NOL4: variants seen among roughly 807,000 people sequenced by gnomAD.
NOL4 encodes the protein cancer/testis antigen 125.
A neutral mutation model predicts 75.9 loss-of-function variants in NOL4; 17 were observed. The observed-to-expected ratio is 0.22, with a 90% CI of 0.15 to 0.34. NOL4 has a LOEUF of 0.34. NOL4 is among the 10% of genes least tolerant of loss of function. NOL4 has a pLI of 1.00. For synonymous variants in NOL4, 292 were observed against 289.9 expected, an observed-to-expected ratio of 1.01 and a Z score of -0.07; for missense variants, 614 against 793.5, an observed-to-expected ratio of 0.77 and a Z score of 2.72.
chr18:33,970,091 G>T (rs2145863526), intron 6 of NOL4, among the ~76,000 whole-genome samples: 1 of 152,278 alleles, frequency 6.6e-6, no homozygotes, highest in East Asian at 1.9e-4. Context: ...GAGCCCAAGT[G>T]ATGCAGCTCC....
intron 2 of NOL4, among the ~76,000 whole-genome samples, chr18:34,106,885 A>G (rs1454019123): frequency 6.6e-6 from 1 of 152,096 alleles, no homozygotes; most frequent in Non-Finnish European, 1.5e-5. Context: ...TATATTTTAT[A>G]TTTCAAAGCA....
Position 34,203,685 on chromosome 18 carries a change from C to CCTCT in NOL4, c.264+19301_264+19304dup, listed in dbSNP as rs1226376797. Among the ~76,000 whole-genome samples, 796 of 100,524 alleles carry CCTCT rather than the reference C, an allele frequency of 7.9e-3. 4 individuals are homozygous for CCTCT. The highest frequency in any genetic ancestry group is 0.011 in the Non-Finnish European group (550 of 51,966). The allele number at this position is 100,524 out of a possible 152,430, so 65.9% of individuals were successfully genotyped here. On this transcript the variant is annotated intron_variant, in intron 1 of 10. Coordinates refer to ENST00000261592, the MANE Select transcript of NOL4 (RefSeq NM_003787.5). ...CCCCTGATCTCTTTCTCTCTCTCTC[C>CCTCT]CTCTCTCTCTCTCTCTCTCTCTCTC...
Position 33,852,788 on chromosome 18 carries a change from G to A in NOL4, c.*54C>T. On this transcript the variant is annotated 3_prime_UTR_variant, in exon 11 of 11. Transcript: ENST00000261592. ...AGTATCTCTGTTGGGAAATCAAAAT[G>A]TCATTAGTGGAAACTGCAAATTTAG... 6.8e-7 allele frequency: 1 copy of A among 1,463,284 alleles called. No individual in the cohort carries two copies. The allele number at this position is 1,463,284 out of a possible 1,614,324, so 90.6% of individuals were successfully genotyped here. A position where few individuals can be genotyped will look rare whatever the true frequency, so the allele number is the denominator to read the frequency against.
chr18:34,065,660 A>G (rs1390921072), intron 5 of NOL4, among the ~76,000 whole-genome samples: 1 of 151,958 alleles, frequency 6.6e-6, no homozygotes, highest in African/African-American at 2.4e-5. Flanking sequence ...ATGCACAGAA[A>G]TTGTAGTGAA....
At chr18:34,221,168 A>G (rs2146641884) in intron 1 of NOL4, 1 of 152,294 alleles carries the variant, frequency 6.6e-6, no homozygotes, top group South Asian at 2.1e-4. Context: ...TGACAGTTAG[A>G]GGGACCTAAG....
chr18:33,931,051 T>TA lies in NOL4; in HGVS notation c.1542+12013dup, dbSNP rs1275752049. Reference sequence around the variant, plus strand: ...TTGTTACTTCTAGGCTCTGGCAAATTAAAAAAACACAGGAAAGGAAGAAAG... The same window carrying TA: ...TTGTTACTTCTAGGCTCTGGCAAATTAAAAAAAACACAGGAAAGGAAGAAAG... On this transcript the variant is annotated intron_variant, in intron 9 of 10. Coordinates refer to ENST00000261592, the MANE Select transcript of NOL4 (RefSeq NM_003787.5). Among the ~76,000 whole-genome samples the TA allele has an allele frequency of 6.6e-5, 10 of 152,012 alleles. No individual in the cohort carries two copies. The East Asian group carries it at 1.7e-3, about 26-fold the overall frequency.
intron 6 of NOL4, among the ~76,000 whole-genome samples, chr18:34,010,906 T>C (rs1409096548): frequency 6.6e-6 from 1 of 151,924 alleles, no homozygotes; most frequent in Non-Finnish European, 1.5e-5. Flanking sequence ...TGTATTATCA[T>C]ATTTTTTTCT....
chr18:33,933,489 T>C (rs964742292), intron 9 of NOL4, among the ~76,000 whole-genome samples: 1 of 152,168 alleles, frequency 6.6e-6, no homozygotes, highest in East Asian at 1.9e-4. Flanking sequence ...ATTTTGCCCA[T>C]AGTAGAGCTT....
chr18:34,119,685 G>A (rs1457284544), intron 2 of NOL4, among the ~76,000 whole-genome samples: 1 of 151,960 alleles, frequency 6.6e-6, no homozygotes, highest in Non-Finnish European at 1.5e-5. Context: ...GCAGTGGCGC[G>A]ATCTCGGCTC....
In NOL4 at chr18:33,962,322, T is replaced by A. The variant is rs1339598836; in HGVS notation, c.1057-3904A>T. Among the ~76,000 whole-genome samples, 4 of 152,190 alleles carry A rather than the reference T, an allele frequency of 2.6e-5. No individual in the cohort carries two copies. In the East Asian group the frequency reaches 7.7e-4, roughly 29 times the overall value. ...CAGCCACCAATCATTAGAAGCCAGA[T>A]TAACAATATAGATTTCACACATGAT... On this transcript the variant is annotated intron_variant, in intron 6 of 10. Transcript: ENST00000261592.
At chr18:33,853,334 A>T (rs1327783659) in intron 10 of NOL4, among the ~76,000 whole-genome samples, 1 of 152,108 alleles carries the variant, frequency 6.6e-6, no homozygotes, top group East Asian at 1.9e-4. Context: ...TTCAATTTTA[A>T]ATCTGTCTTC....
At chr18:33,992,786 C>T (rs2073016612) in intron 6 of NOL4, among the ~76,000 whole-genome samples, 1 of 152,020 alleles carries the variant, frequency 6.6e-6, no homozygotes, top group Admixed American at 6.6e-5. Flanking sequence ...GCTTCACCTA[C>T]ACTAGAGCTC....
At chr18:34,189,039 T>C (rs2034712844) in intron 1 of NOL4, among the ~76,000 whole-genome samples, 1 of 152,152 alleles carries the variant, frequency 6.6e-6, no homozygotes, top group Non-Finnish European at 1.5e-5. Context: ...CTGTTCTCTG[T>C]TTCTGTAATA....
chr18:33,931,824 A>ATC (rs1484230073), intron 9 of NOL4, among the ~76,000 whole-genome samples: 2 of 152,062 alleles, frequency 1.3e-5, no homozygotes, highest in Non-Finnish European at 2.9e-5. Flanking sequence ...CTAAAACATA[A>ATC]TCTTAGTTTG....
intron 4 of NOL4, among the ~76,000 whole-genome samples, chr18:34,100,422 G>C (rs1344159362): frequency 6.6e-6 from 1 of 151,930 alleles, no homozygotes; most frequent in Non-Finnish European, 1.5e-5. Flanking sequence ...CTGTCATCCT[G>C]AGCACCCCAT....
intron 10 of NOL4, among the ~76,000 whole-genome samples, chr18:33,857,999 T>A (rs2062914704): frequency 6.6e-6 from 1 of 152,106 alleles, no homozygotes; most frequent in South Asian, 2.1e-4. Context: ...TTCAAACTTA[T>A]CATTGACTCC....
intron 1 of NOL4, among the ~76,000 whole-genome samples, chr18:34,217,895 G>A (rs1320615216): frequency 6.6e-6 from 1 of 151,854 alleles, no homozygotes; most frequent in African/African-American, 2.4e-5. Flanking sequence ...TGCATCTTTA[G>A]TTAAACTTTA....
At chr18:33,865,142 A>G (rs911483752) in intron 10 of NOL4, among the ~76,000 whole-genome samples, 4 of 152,132 alleles carry the variant, frequency 2.6e-5, no homozygotes, top group Non-Finnish European at 5.9e-5. Flanking sequence ...GTTAATAAAT[A>G]TTTAATTCCC....
At chr18:34,073,855 G>A (rs544187061) in intron 5 of NOL4, among the ~76,000 whole-genome samples, 1 of 152,088 alleles carries the variant, frequency 6.6e-6, no homozygotes, top group East Asian at 1.9e-4. Flanking sequence ...AGAAGGCATA[G>A]TCATCTATGG....
Sources: gnomAD v4.1 joint callset for allele counts (sites outside exome capture counted in the v4.1 genomes callset) on GRCh38, gnomAD v4.1.1 for gene constraint, MANE v1.5 for transcripts, NCBI Gene and HGNC (gene_info 2026-07-23, HGNC 2026-07-21) for gene names.